Variants in RAF1 observed in about 807,000 individuals in gnomAD.
RAF1 encodes RAF proto-oncogene serine/threonine-protein kinase.
A neutral mutation model predicts 81.1 loss-of-function variants in RAF1; 27 were observed. The ratio of observed to expected loss-of-function variants is 0.33; its 90% CI spans 0.25 to 0.46. The LOEUF is 0.46. RAF1 is among the 20% of genes least tolerant of loss of function. The pLI, the probability that RAF1 is intolerant of heterozygous loss-of-function variation, is 1.00. For missense variants in RAF1, 598 were observed against 826.0 expected, an observed-to-expected ratio of 0.72 and a Z score of 3.38; for synonymous variants, 298 against 294.0, an observed-to-expected ratio of 1.01 and a Z score of -0.14.
intron 1 of RAF1, among the ~76,000 whole-genome samples, chr3:12,661,646 T>G (rs1028551135): frequency 1.3e-5 from 2 of 152,090 alleles, no homozygotes; most frequent in Non-Finnish European, 2.9e-5. Flanking sequence ...GAGGTTGCAG[T>G]GAGCCGAGAT....
At chr3:12,635,402 C>T (rs963829767) in intron 1 of RAF1, among the ~76,000 whole-genome samples, 3 of 147,514 alleles carry the variant, frequency 2.0e-5, no homozygotes, top group Non-Finnish European at 3.0e-5. Context: ...TTCAGGAGGC[C>T]GAGGTGGGCG....
At chr3:12,626,017 G>C (rs1404067226) in intron 1 of RAF1, among the ~76,000 whole-genome samples, 1 of 151,446 alleles carries the variant, frequency 6.6e-6, no homozygotes, top group Non-Finnish European at 1.5e-5. Context: ...TGTAATCCCA[G>C]CACTTTGGGA....
chr3:12,617,212 G>A (rs111520559), intron 2 of RAF1, among the ~76,000 whole-genome samples: 1,569 of 152,100 alleles, frequency 0.01, 21 homozygotes, highest in African/African-American at 0.036. Flanking sequence ...TCCCGGGTTC[G>A]AGTGATTCTC....
intron 1 of RAF1, among the ~76,000 whole-genome samples, chr3:12,631,871 T>C (rs2059872567): frequency 6.6e-6 from 1 of 152,166 alleles, no homozygotes; most frequent in South Asian, 2.1e-4. Flanking sequence ...CAGAGGTACA[T>C]CTGTTCAAAA....
intron 4 of RAF1, 110 bp from the exon 5 acceptor site, chr3:12,609,033 G>T (rs1451024418): frequency 8.0e-7 from 1 of 1,250,372 alleles, no homozygotes; most frequent in Non-Finnish European, 1.2e-6. Flanking sequence ...CATACTTCCA[G>T]CATGTACAGA....
At position 12,663,821 on chromosome 3, in the gene RAF1, G is replaced by T; in HGVS notation, c.-35C>A. ...CCGGTCCTGCCACCTACCTGAGGGA[G>T]CCAGGCCGCCCCAACGTCCTGTCGT... On this transcript the variant is annotated 5_prime_UTR_variant, in exon 1 of 18. Coordinates refer to ENST00000442415, the MANE Select transcript of RAF1 (RefSeq NM_001354689.3). The T allele has an allele frequency of 2.5e-6, 1 of 397,564 alleles. No individual in the cohort carries two copies. Among genetic ancestry groups the T allele is most frequent in the Non-Finnish European group, 4.4e-6 (1 of 225,452 alleles). The allele number at this position is 397,564 out of a possible 1,614,324, so 24.6% of individuals were successfully genotyped here.
chr3:12,614,490 T>C (rs2059313239), intron 2 of RAF1, among the ~76,000 whole-genome samples: 3 of 152,034 alleles, frequency 2.0e-5, no homozygotes, highest in Admixed American at 2.0e-4. Context: ...TGGAATACAA[T>C]GGCATGATCA....
chr3:12,660,108 C>G (rs1416775710), intron 1 of RAF1, among the ~76,000 whole-genome samples: 1 of 152,112 alleles, frequency 6.6e-6, no homozygotes, highest in East Asian at 1.9e-4. Context: ...ATCTTCAGAG[C>G]AAACAAATGA....
Position 12,599,828 on chromosome 3 carries a change from T to C in RAF1, c.1051-20A>G, listed in dbSNP as rs376911000. Reference sequence around the variant, plus strand: ...AGGCCTCTGAAACAAGTAGAGATCATTATTATACTCCATGCAATGGTAATA... The same window carrying C: ...AGGCCTCTGAAACAAGTAGAGATCACTATTATACTCCATGCAATGGTAATA... On this transcript the variant is annotated intron_variant, in intron 10 of 17. Coordinates refer to ENST00000442415, the MANE Select transcript of RAF1 (RefSeq NM_001354689.3). 3.2e-6 allele frequency: 5 copies of C among 1,545,196 alleles called. No individual in the cohort carries two copies. The African/African-American group carries it at 5.4e-5, about 17-fold the overall frequency.
intron 2 of RAF1, among the ~76,000 whole-genome samples, chr3:12,617,860 CAG>C (rs2059422450): frequency 8.2e-6 from 1 of 122,250 alleles, no homozygotes; most frequent in African/African-American, 3.2e-5. Context: ...GCCTGGGTGA[CAG>C]AGTGAGAATC....
At chr3:12,632,254 G>T (rs2059885035) in intron 1 of RAF1, among the ~76,000 whole-genome samples, 1 of 148,090 alleles carries the variant, frequency 6.8e-6, no homozygotes, top group Non-Finnish European at 1.5e-5. Context: ...AACCCGGGAG[G>T]CAGAGGTTGC....
At chr3:12,584,726 C>G (rs2125318263) in intron 17 of RAF1, 69 bp from the exon 17 acceptor site, 1 of 1,613,092 alleles carries the variant, frequency 6.2e-7, no homozygotes. Context: ...CTGCCCCCCA[C>G]CATCTTGTAG....
At chr3:12,612,178 A>G (rs1443095198) in intron 2 of RAF1, 116 bp from the exon 3 acceptor site, 2 of 786,576 alleles carry the variant, frequency 2.5e-6, no homozygotes, top group African/African-American at 3.4e-5. Flanking sequence ...GCACACACAC[A>G]TATACGAAAC....
chr3:12,600,319 C>T (rs2125381249), intron 9 of RAF1, 40 bp from the exon 9 acceptor site: 1 of 1,614,068 alleles, frequency 6.2e-7, no homozygotes, highest in Non-Finnish European at 8.5e-7. Context: ...CAAGGATAAG[C>T]CAACAGAAGA....
intron 11 of RAF1, among the ~76,000 whole-genome samples, chr3:12,592,802 C>G (rs2058561538): frequency 1.5e-5 from 2 of 132,988 alleles, no homozygotes; most frequent in African/African-American, 5.8e-5. Context: ...GTGGTGTGAT[C>G]TGGGCTCACT....
rs573636035 is a variant in RAF1, at chr3:12,594,564, G to A, written c.1169-2772C>T. Among the ~76,000 whole-genome samples, 3 of 152,238 alleles carry A rather than the reference G, an allele frequency of 2.0e-5. No individual in the cohort carries two copies. The South Asian group carries it at 6.2e-4, about 32-fold the overall frequency. ...CCTCAGAATTCAGAGCCAAGCCCAC[G>A]CAGTGACTTACTCTGACCTTGCAGT... is the stretch of plus-strand genomic sequence containing the variant. On this transcript the variant is annotated intron_variant, in intron 11 of 17. Transcript: ENST00000442415.
At chr3:12,658,088 CTGAG>C (rs1053551427) in intron 1 of RAF1, among the ~76,000 whole-genome samples, 8 of 152,116 alleles carry the variant, frequency 5.3e-5, no homozygotes, top group Non-Finnish European at 1.2e-4. Flanking sequence ...CTTTTTATTA[CTGAG>C]TAACATTCCA....
At chr3:12,660,656 A>C (rs1449932902) in intron 1 of RAF1, among the ~76,000 whole-genome samples, 1 of 152,100 alleles carries the variant, frequency 6.6e-6, no homozygotes, top group East Asian at 1.9e-4. Context: ...AAAACTAAGG[A>C]ACTCCACTAC....
At position 12,633,585 on chromosome 3, in the gene RAF1, G is replaced by A. The variant is rs140638859; in HGVS notation, c.-26-14838C>T. ...AAATAGCCTATCGAATGCCTAACAC[G>A]TTAAATATCACAATAATGGAGGACC... On this transcript the variant is annotated intron_variant, in intron 1 of 17. Transcript: ENST00000442415. Among the ~76,000 whole-genome samples, 454 of 149,854 alleles carry A rather than the reference G, an allele frequency of 3.0e-3. 2 individuals carry two copies. Among genetic ancestry groups the A allele is most frequent in the African/African-American group, 0.011 (439 of 40,750 alleles).
Sources: gnomAD v4.1 joint callset for allele counts (sites outside exome capture counted in the v4.1 genomes callset) on GRCh38, gnomAD v4.1.1 for gene constraint, MANE v1.5 for transcripts, NCBI Gene and HGNC (gene_info 2026-07-23, HGNC 2026-07-21) for gene names.